Variants in GPBP1 observed in about 807,000 individuals in gnomAD.
GPBP1 encodes vasculin.
Under a neutral mutation model 56.5 loss-of-function variants are expected in GPBP1, and 13 were observed. The ratio of observed to expected loss-of-function variants is 0.23; its 90% CI spans 0.15 to 0.37. GPBP1 has a LOEUF of 0.37. Ranked by LOEUF, GPBP1 falls within the 10% of genes least tolerant of loss-of-function variation. The pLI is 1.00. For missense variants in GPBP1, 477 were observed against 572.3 expected (o/e 0.83, Z 1.70); for synonymous variants, 204 against 188.9 (o/e 1.08, Z -0.66).
At chr5:57,229,827 C>T (rs1756363513) in intron 3 of GPBP1, among the ~76,000 whole-genome samples, 1 of 152,146 alleles carries the variant, frequency 6.6e-6, no homozygotes, top group Non-Finnish European at 1.5e-5. Flanking sequence ...GCGTGAGCCA[C>T]CATGCCTGGC....
Position 57,261,300 on chromosome 5 carries a change from A to T in GPBP1, c.1263+18A>T, listed in dbSNP as rs73129927. 1 of 1,380,652 alleles carries T rather than the reference A, an allele frequency of 7.2e-7. No individual in the cohort carries two copies. The highest frequency in any genetic ancestry group is 1.0e-6 in the Non-Finnish European group (1 of 967,512). 85.5% of individuals were successfully genotyped at this position (1,380,652 alleles called of 1,614,324 possible). On this transcript the variant is annotated intron_variant, in intron 11 of 11. Transcript: ENST00000506184. ...GTGAACAGGTAAGAAAACCTGAATC[A>T]TACAACTTCACTTTTAAACTGCCCT...
intron 2 of GPBP1, among the ~76,000 whole-genome samples, chr5:57,200,843 G>A (rs1754988548): frequency 6.6e-6 from 1 of 152,058 alleles, no homozygotes; most frequent in Non-Finnish European, 1.5e-5. Flanking sequence ...CACCACGCGC[G>A]GCTAGTTTAT....
intron 8 of GPBP1, chr5:57,248,812 T>C (rs887141335): frequency 2.6e-5 from 4 of 152,242 alleles, no homozygotes; most frequent in African/African-American, 7.2e-5. Flanking sequence ...AGATTAGTTA[T>C]AATATACATA....
intron 8 of GPBP1, among the ~76,000 whole-genome samples, chr5:57,248,419 A>ATTTTTTTT (rs70999069): frequency 2.0e-5 from 2 of 99,352 alleles, no homozygotes; most frequent in Non-Finnish European, 1.8e-5. Flanking sequence ...CTCATATACT[A>ATTTTTTTT]TTTTTTTTTT....
chr5:57,246,250 A>G (rs768692550), intron 6 of GPBP1, 50 bp from the exon 7 acceptor site: 17 of 1,484,266 alleles, frequency 1.1e-5, no homozygotes, highest in South Asian at 3.8e-5. Flanking sequence ...TTTATTCTAT[A>G]CTAAAACTTG....
chr5:57,193,539 A>T (rs1250440362), intron 2 of GPBP1, among the ~76,000 whole-genome samples: 1 of 143,508 alleles, frequency 7.0e-6, no homozygotes, highest in Non-Finnish European at 1.5e-5. Context: ...GCTTGAGCCC[A>T]GGAGGTGGAG....
chr5:57,222,908 G>T (rs1448107733), intron 3 of GPBP1, among the ~76,000 whole-genome samples: 1 of 152,186 alleles, frequency 6.6e-6, no homozygotes, highest in African/African-American at 2.4e-5. Context: ...ATTTCGTTTT[G>T]ATTTGCATCA....
chr5:57,187,864 G>A lies in GPBP1; in HGVS notation c.-58+11464G>A, dbSNP rs182711798. Among the ~76,000 whole-genome samples, 8 of 151,346 alleles carry A rather than the reference G, an allele frequency of 5.3e-5. No individual in the cohort carries two copies. In the East Asian group the frequency reaches 1.4e-3, roughly 26 times the overall value. On this transcript the variant is annotated intron_variant, in intron 2 of 11. Coordinates refer to ENST00000506184, the MANE Select transcript of GPBP1 (RefSeq NM_022913.4). ...AGGACATAGGTAAGTATAAATTGAA[G>A]GGACAGAAGAAGCAGAAACCAGATA...
intron 5 of GPBP1, among the ~76,000 whole-genome samples, chr5:57,233,265 A>C (rs1450888007): frequency 6.6e-6 from 1 of 152,162 alleles, no homozygotes; most frequent in Non-Finnish European, 1.5e-5. Context: ...GTTTAGGGCG[A>C]GGAGTGGTGA....
At chr5:57,252,938 A>G (rs1178623356) in intron 10 of GPBP1, among the ~76,000 whole-genome samples, 1 of 151,714 alleles carries the variant, frequency 6.6e-6, no homozygotes, top group Non-Finnish European at 1.5e-5. Context: ...CGAATTCCTG[A>G]CCTCAAGTGA....
chr5:57,219,918 GGC>G (rs1479776654), intron 3 of GPBP1, among the ~76,000 whole-genome samples: 2 of 151,866 alleles, frequency 1.3e-5, no homozygotes, highest in African/African-American at 2.4e-5. Flanking sequence ...TGGGCTTGGT[GGC>G]GCGTGCCTGT....
chr5:57,181,395 C>T (rs1016016617), intron 2 of GPBP1, among the ~76,000 whole-genome samples: 3 of 149,882 alleles, frequency 2.0e-5, no homozygotes, highest in Non-Finnish European at 4.4e-5. Flanking sequence ...GCGCTGCGAT[C>T]GCGACACTGC....
chr5:57,261,091 G>T (rs1741875939), intron 10 of GPBP1, 89 bp from the exon 11 acceptor site: 1 of 832,790 alleles, frequency 1.2e-6, no homozygotes. Context: ...ATGGATCCTG[G>T]TGGATCATGT....
intron 2 of GPBP1, among the ~76,000 whole-genome samples, chr5:57,204,336 A>C (rs1261263441): frequency 6.6e-6 from 1 of 151,614 alleles, no homozygotes; most frequent in Non-Finnish European, 1.5e-5. Context: ...TACAACCTCC[A>C]CCTCCCAGGC....
rs746384789 is a variant in GPBP1, at chr5:57,230,826, AT to A, written c.64-15del. ...ATATTTAGGTTTCATAAATACCTGT[AT>A]TTTTATAATTTGTTTCAGTCGTCAT... On this transcript the variant is annotated intron_variant, in intron 3 of 11. Coordinates refer to ENST00000506184, the MANE Select transcript of GPBP1 (RefSeq NM_022913.4). The A allele has an allele frequency of 2.0e-5, 31 of 1,588,122 alleles. No homozygotes were observed. The African/African-American group carries it at 3.7e-4, about 19-fold the overall frequency.
intron 2 of GPBP1, among the ~76,000 whole-genome samples, chr5:57,202,409 G>A (rs761057993): frequency 1.6e-4 from 24 of 151,744 alleles, no homozygotes; most frequent in Non-Finnish European, 3.1e-4. Context: ...CTGCCTCAGC[G>A]TCCTGAGTAG....
chr5:57,174,854 C>T (rs1753727841), intron 1 of GPBP1, among the ~76,000 whole-genome samples: 1 of 152,164 alleles, frequency 6.6e-6, no homozygotes, highest in Non-Finnish European at 1.5e-5. Flanking sequence ...AAACCTACAC[C>T]TTCTAGCCCT....
At chr5:57,184,847 G>A (rs1022019794) in intron 2 of GPBP1, among the ~76,000 whole-genome samples, 2 of 152,066 alleles carry the variant, frequency 1.3e-5, no homozygotes, top group African/African-American at 4.8e-5. Context: ...GGTATTTTCC[G>A]GAATGTCAAA....
chr5:57,189,957 C>T lies in GPBP1; in HGVS notation c.-58+13557C>T, dbSNP rs1579982136. 2.6e-5 allele frequency among the ~76,000 whole-genome samples: 4 copies of T among 152,300 alleles called. No individual in the cohort carries two copies. In the East Asian group the frequency reaches 7.7e-4, roughly 29 times the overall value. On this transcript the variant is annotated intron_variant, in intron 2 of 11. Coordinates refer to ENST00000506184, the MANE Select transcript of GPBP1 (RefSeq NM_022913.4). The stretch of plus-strand genomic sequence containing the variant: ...ACCATTTTGTGTAAAGTGGGCCACT[C>T]TATTCAATACTTTGATTTCTCTTAT...
Sources: gnomAD v4.1 joint callset for allele counts (sites outside exome capture counted in the v4.1 genomes callset) on GRCh38, gnomAD v4.1.1 for gene constraint, MANE v1.5 for transcripts, NCBI Gene and HGNC (gene_info 2026-07-23, HGNC 2026-07-21) for gene names.